The following ZNF385D variants were observed in gnomAD, a reference collection of about 807,000 sequenced individuals.
The protein encoded by ZNF385D is zinc finger protein 659.
In ZNF385D, 15 loss-of-function variants were observed where a neutral mutation model predicts 35.8. The ratio of observed to expected loss-of-function variants is 0.42; its 90% CI spans 0.28 to 0.64. The LOEUF (loss-of-function observed/expected upper bound fraction) is 0.64, where lower values mean the gene tolerates loss of function less well. Ranked by LOEUF, ZNF385D falls within the 30% of genes least tolerant of loss-of-function variation. ZNF385D has a pLI of 0.23. For synonymous variants in ZNF385D, 212 were observed against 186.8 expected, an observed-to-expected ratio of 1.13 and a Z score of -1.10; for missense variants, 474 against 494.6, an observed-to-expected ratio of 0.96 and a Z score of 0.39.
chr3:21,994,398 A>T (rs904454877), intron 3 of ZNF385D, among the ~76,000 whole-genome samples: 3 of 152,200 alleles, frequency 2.0e-5, no homozygotes, highest in African/African-American at 7.2e-5. Flanking sequence ...TTTAAAAATC[A>T]TATCTATCTT....
chr3:22,230,178 G>C (rs1228474867), intron 2 of ZNF385D, among the ~76,000 whole-genome samples: 2 of 152,040 alleles, frequency 1.3e-5, no homozygotes, highest in Non-Finnish European at 2.9e-5. Flanking sequence ...TAAAGAAAAA[G>C]AAACTCATTT....
intron 1 of ZNF385D, among the ~76,000 whole-genome samples, chr3:21,667,460 C>A (rs946086505): frequency 3.9e-5 from 6 of 152,194 alleles, no homozygotes; most frequent in African/African-American, 7.2e-5. Context: ...CCATGCCCGG[C>A]CCTAAATTAC....
intron 3 of ZNF385D, among the ~76,000 whole-genome samples, chr3:22,045,390 A>G (rs73822839): frequency 0.091 from 13,926 of 152,202 alleles, 834 homozygotes; most frequent in African/African-American, 0.16. Flanking sequence ...CTTGAGAAAT[A>G]CGAATGGGAG....
intron 2 of ZNF385D, among the ~76,000 whole-genome samples, chr3:22,204,903 A>G (rs910141240): frequency 6.6e-6 from 1 of 151,424 alleles, no homozygotes; most frequent in Non-Finnish European, 1.5e-5. Context: ...GACACTGGCC[A>G]TAAAGAGAGG....
chr3:21,794,463 T>A (rs1489929170), intron 3 of ZNF385D, among the ~76,000 whole-genome samples: 2 of 152,176 alleles, frequency 1.3e-5, no homozygotes, highest in East Asian at 1.9e-4. Flanking sequence ...CAAAACACCA[T>A]AGACTGGGTA....
chr3:21,991,062 C>A (rs1242121828), intron 3 of ZNF385D, among the ~76,000 whole-genome samples: 2 of 152,210 alleles, frequency 1.3e-5, no homozygotes, highest in East Asian at 1.9e-4. Context: ...ATGTAAAATT[C>A]CTTGTACAAA....
At chr3:22,356,319 A>T (rs1299365649) in intron 2 of ZNF385D, among the ~76,000 whole-genome samples, 1 of 151,996 alleles carries the variant, frequency 6.6e-6, no homozygotes, top group Non-Finnish European at 1.5e-5. Context: ...TGGTATGAAA[A>T]GTTTTGTATA....
At chr3:21,482,377 T>C (rs1473468803) in intron 4 of ZNF385D, among the ~76,000 whole-genome samples, 1 of 152,196 alleles carries the variant, frequency 6.6e-6, no homozygotes, top group Non-Finnish European at 1.5e-5. Context: ...TGCACTACAA[T>C]GGCAGAATCA....
intron 3 of ZNF385D, among the ~76,000 whole-genome samples, chr3:22,088,939 T>TA (rs1701180254): frequency 6.6e-6 from 1 of 152,220 alleles, no homozygotes; most frequent in Non-Finnish European, 1.5e-5. Context: ...GCAATCTATT[T>TA]AAAATGACTT....
At chr3:22,052,116 C>T (rs1400268774) in intron 3 of ZNF385D, among the ~76,000 whole-genome samples, 1 of 11,584 alleles carries the variant, frequency 8.6e-5, no homozygotes, top group Non-Finnish European at 1.6e-4. Flanking sequence ...TTCCATTCTC[C>T]ACATCACTTT....
intron 2 of ZNF385D, among the ~76,000 whole-genome samples, chr3:21,657,959 C>CAA (rs2066122120): frequency 6.6e-6 from 1 of 151,828 alleles, no homozygotes; most frequent in Non-Finnish European, 1.5e-5. Flanking sequence ...GGAAAGAAGA[C>CAA]AAAGTGTGCC....
intron 3 of ZNF385D, among the ~76,000 whole-genome samples, chr3:21,521,561 T>A (rs1424092345): frequency 6.6e-6 from 1 of 152,026 alleles, no homozygotes; most frequent in Non-Finnish European, 1.5e-5. Context: ...GAGACCGGCT[T>A]GGGCAACAAA....
At chr3:21,699,988 T>C (rs148719085) in intron 1 of ZNF385D, among the ~76,000 whole-genome samples, 2,497 of 152,028 alleles carry the variant, frequency 0.016, 72 homozygotes, top group African/African-American at 0.056. Context: ...CATGCCACCA[T>C]GCCCAGCTAA....
At chr3:21,509,642 A>G (rs1202055068) in intron 4 of ZNF385D, among the ~76,000 whole-genome samples, 1 of 152,186 alleles carries the variant, frequency 6.6e-6, no homozygotes, top group Non-Finnish European at 1.5e-5. Context: ...CAAAGGAGTG[A>G]AATAAGTCTC....
intron 3 of ZNF385D, among the ~76,000 whole-genome samples, chr3:21,945,660 T>C (rs1237913526): frequency 1.3e-5 from 2 of 152,202 alleles, no homozygotes; most frequent in African/African-American, 4.8e-5. Flanking sequence ...GTTGCTTTTA[T>C]TGTGTGTCTG....
chr3:22,128,548 T>C (rs905207222), intron 3 of ZNF385D, among the ~76,000 whole-genome samples: 2 of 152,164 alleles, frequency 1.3e-5, no homozygotes, highest in Non-Finnish European at 2.9e-5. Flanking sequence ...AGATCTTGTA[T>C]GTGTGTCTTA....
At chr3:21,677,233 G>C (rs2066757100) in intron 1 of ZNF385D, among the ~76,000 whole-genome samples, 1 of 152,034 alleles carries the variant, frequency 6.6e-6, no homozygotes, top group Non-Finnish European at 1.5e-5. Context: ...TTTTGGGAGG[G>C]TCCCTGGGCC....
chr3:22,027,490 ATTTT>A (rs1697633288), intron 3 of ZNF385D, among the ~76,000 whole-genome samples: 1 of 152,100 alleles, frequency 6.6e-6, no homozygotes, highest in African/African-American at 2.4e-5. Flanking sequence ...GGCCTCTAGG[ATTTT>A]GGAGCAAGGT....
At chr3:21,439,651 A>G (rs1253505529) in intron 4 of ZNF385D, among the ~76,000 whole-genome samples, 1 of 152,062 alleles carries the variant, frequency 6.6e-6, no homozygotes, top group Admixed American at 6.6e-5. Context: ...TTATAGTGCA[A>G]TTTGTTAACA....
Sources: allele counts gnomAD v4.1 joint callset (sites outside exome capture counted in the v4.1 genomes callset), GRCh38; gene constraint gnomAD v4.1.1; transcripts MANE v1.5; gene names NCBI Gene and HGNC (gene_info 2026-07-23, HGNC 2026-07-21).